The following COPG2 variants were observed in gnomAD, a reference collection of about 807,000 sequenced individuals.
COPG2 encodes the protein coatomer subunit gamma-2.
In COPG2, 37 loss-of-function variants were observed where a neutral mutation model predicts 46.3. That is an observed-to-expected ratio of 0.80 (90% CI 0.61 to 1.05). COPG2 has a LOEUF of 1.05. Among genes scored for constraint, COPG2 ranks in the 50% least tolerant of loss-of-function variants. COPG2 has a pLI of 0.00. For missense variants in COPG2, 427 were observed against 387.8 expected (o/e 1.10, Z -0.85); for synonymous variants, 159 against 129.7 (o/e 1.23, Z -1.53).
At chr7:130,554,167 G>A (rs1382510366) in intron 14 of COPG2, among the ~76,000 whole-genome samples, 2 of 151,928 alleles carry the variant, frequency 1.3e-5, no homozygotes, top group East Asian at 3.9e-4. Context: ...AGATTAGGGA[G>A]GAAAAGTCGC....
chr7:130,599,948 T>C (rs2116478819), intron 9 of COPG2, among the ~76,000 whole-genome samples: 1 of 152,282 alleles, frequency 6.6e-6, no homozygotes, highest in East Asian at 1.9e-4. Context: ...AGTTTTCACT[T>C]TAAAATTTTA....
At chr7:130,572,547 C>G (rs1193330519) in intron 9 of COPG2, among the ~76,000 whole-genome samples, 2 of 151,916 alleles carry the variant, frequency 1.3e-5, no homozygotes, top group African/African-American at 4.8e-5. Flanking sequence ...AATTATAAAT[C>G]AACAACAGAA....
At chr7:130,659,702 A>T (rs1795935939) in intron 4 of COPG2, among the ~76,000 whole-genome samples, 1 of 152,152 alleles carries the variant, frequency 6.6e-6, no homozygotes, top group African/African-American at 2.4e-5. Context: ...TAAAGAGGTC[A>T]GGAAATTGAG....
At chr7:130,645,447 T>A (rs555795275) in intron 5 of COPG2, 311 of 372,806 alleles carry the variant, frequency 8.3e-4, no homozygotes, top group Admixed American at 1.1e-3. Context: ...GAAGATGATG[T>A]CTTTCTCCAA....
intron 12 of COPG2, among the ~76,000 whole-genome samples, chr7:130,558,869 G>A (rs1331863576): frequency 6.6e-6 from 1 of 152,036 alleles, no homozygotes; most frequent in Non-Finnish European, 1.5e-5. Flanking sequence ...AATGGAAAAG[G>A]ATAAGATTGA....
At chr7:130,602,182 T>C (rs1485529328) in intron 9 of COPG2, among the ~76,000 whole-genome samples, 4 of 152,194 alleles carry the variant, frequency 2.6e-5, no homozygotes, top group Non-Finnish European at 5.9e-5. Flanking sequence ...TAGCAAGAGA[T>C]AACACATACA....
chr7:130,532,101 G>C (rs1287564316), intron 20 of COPG2, among the ~76,000 whole-genome samples: 4 of 152,192 alleles, frequency 2.6e-5, no homozygotes, highest in African/African-American at 9.7e-5. Context: ...TAGAGTGAGA[G>C]GGGAAGACGC....
chr7:130,621,168 A>C (rs1367297187), intron 5 of COPG2, among the ~76,000 whole-genome samples: 1 of 152,186 alleles, frequency 6.6e-6, no homozygotes, highest in African/African-American at 2.4e-5. Flanking sequence ...AGCCTCCAGA[A>C]GCTAGAAAAG....
At position 130,663,161 on chromosome 7, in the gene COPG2, CTT is replaced by C. The variant is rs148170246; in HGVS notation, c.172-125_172-124del. 409 of 577,244 alleles carry C rather than the reference CTT, an allele frequency of 7.1e-4. 3 individuals are homozygous for C. The African/African-American group carries it at 7.3e-3, about 10-fold the overall frequency. 35.8% of individuals were successfully genotyped at this position (577,244 alleles called of 1,614,324 possible). On this transcript the variant is annotated intron_variant, in intron 3 of 23. Coordinates refer to ENST00000425248, the MANE Select transcript of COPG2 (RefSeq NM_012133.6). ...TTTAGAACTCAAGAAAAAAGAATCT[CTT>C]TGTAAACATTCTGCCTCTGCAATTT...
intron 20 of COPG2, chr7:130,508,976 G>A (rs1047456): frequency 0.25 from 119,025 of 471,578 alleles, 16,127 homozygotes; most frequent in Middle Eastern, 0.32. Context: ...TATCAAAGGG[G>A]CCTAAATGTT....
chr7:130,647,538 A>T (rs1238983849), intron 5 of COPG2, among the ~76,000 whole-genome samples: 1 of 152,054 alleles, frequency 6.6e-6, no homozygotes. Context: ...GTCACAGGGC[A>T]GGTATATAAT....
intron 20 of COPG2, among the ~76,000 whole-genome samples, chr7:130,531,236 A>C (rs1014606073): frequency 6.6e-6 from 1 of 151,318 alleles, no homozygotes; most frequent in Non-Finnish European, 1.5e-5. Flanking sequence ...CCCAGCATTG[A>C]GAACACCACT....
intron 4 of COPG2, among the ~76,000 whole-genome samples, chr7:130,656,496 A>G (rs1041780544): frequency 2.6e-5 from 4 of 152,174 alleles, no homozygotes; most frequent in Non-Finnish European, 5.9e-5. Context: ...AAACTACCAG[A>G]GTACACTCAA....
At position 130,542,933 on chromosome 7, in the gene COPG2, T is replaced by C. The variant is rs1007700960; in HGVS notation, c.2149+4741A>G. Among the ~76,000 whole-genome samples, 12 of 152,166 alleles carry C rather than the reference T, an allele frequency of 7.9e-5. No homozygotes were observed. The South Asian group carries it at 2.5e-3, about 32-fold the overall frequency. Reference sequence around the variant, plus strand: ...TCAGTGGTATGTTCGGTATCATGGCTGAGTGTAGGAGCATTTTAGGGAATA... The same window carrying C: ...TCAGTGGTATGTTCGGTATCATGGCCGAGTGTAGGAGCATTTTAGGGAATA... On this transcript the variant is annotated intron_variant, in intron 20 of 23. Transcript: ENST00000425248.
chr7:130,507,539 A>T, intron 22 of COPG2, 146 bp downstream of exon 22: 1 of 658,970 alleles, frequency 1.5e-6, no homozygotes. Context: ...CTGATCAATT[A>T]GATGATGAAG....
chr7:130,621,579 C>T (rs1177393272), intron 5 of COPG2, among the ~76,000 whole-genome samples: 4 of 152,186 alleles, frequency 2.6e-5, no homozygotes, highest in East Asian at 1.9e-4. Context: ...GAGGCCAAGG[C>T]GGGTGGATCA....
Position 130,506,510 on chromosome 7 carries a change from C to T in COPG2, c.*166G>A, listed in dbSNP as rs540028714. 36 of 452,716 alleles carry T rather than the reference C, an allele frequency of 8.0e-5. 1 individual carries two copies. The South Asian group carries it at 8.2e-4, about 10-fold the overall frequency. The allele number at this position is 452,716 out of a possible 1,614,324, so 28.0% of individuals were successfully genotyped here. On this transcript the variant is annotated 3_prime_UTR_variant, in exon 24 of 24. Coordinates refer to ENST00000425248, the MANE Select transcript of COPG2 (RefSeq NM_012133.6). The stretch of plus-strand genomic sequence containing the variant: ...GAAAAAAAAAAAAAAACAACCCATG[C>T]GCAAAGATAGACATTTGCTTGATCT...
chr7:130,533,223 AAATG>A (rs2116361690), intron 20 of COPG2, among the ~76,000 whole-genome samples: 1 of 152,128 alleles, frequency 6.6e-6, no homozygotes, highest in East Asian at 1.9e-4. Flanking sequence ...GGAATGGCAG[AAATG>A]AATGGAGGTG....
At chr7:130,631,884 A>G (rs1795240808) in intron 5 of COPG2, among the ~76,000 whole-genome samples, 1 of 152,138 alleles carries the variant, frequency 6.6e-6, no homozygotes, top group African/African-American at 2.4e-5. Context: ...CATCCTGGTG[A>G]AAAAAATCCC....
Sources: gnomAD v4.1 joint callset for allele counts (sites outside exome capture counted in the v4.1 genomes callset) on GRCh38, gnomAD v4.1.1 for gene constraint, MANE v1.5 for transcripts, NCBI Gene and HGNC (gene_info 2026-07-23, HGNC 2026-07-21) for gene names.